UPF2: variants seen among roughly 807,000 people sequenced by gnomAD.
UPF2 encodes UPF2 regulator of nonsense mediated mRNA decay.
In UPF2, 17 loss-of-function variants were observed where a neutral mutation model predicts 141.4. The observed-to-expected ratio is 0.12, with a 90% confidence interval of 0.08 to 0.18. The LOEUF (loss-of-function observed/expected upper bound fraction) is 0.18, where lower values mean the gene tolerates loss of function less well. Among genes scored for constraint, UPF2 ranks in the 10% least tolerant of loss-of-function variants. The pLI is 1.00. For synonymous variants in UPF2, 540 were observed against 498.0 expected (o/e 1.08, Z -1.12); for missense variants, 1,152 against 1,515.9 (o/e 0.76, Z 3.99).
At chr10:12,007,300 CTG>C (rs1284436806) in intron 4 of UPF2, among the ~76,000 whole-genome samples, 1 of 152,092 alleles carries the variant, frequency 6.6e-6, no homozygotes, top group Non-Finnish European at 1.5e-5. Flanking sequence ...TACTATCAAG[CTG>C]TTAAGAGTGG....
In UPF2 at chr10:11,936,492, C is replaced by T. The variant is rs1832852393; in HGVS notation, c.3546+53G>A. The T allele has an allele frequency of 6.6e-7, 1 of 1,515,462 alleles. No homozygotes were observed. Among genetic ancestry groups the T allele is most frequent in the Admixed American group, 2.1e-5 (1 of 47,438 alleles). The allele number at this position is 1,515,462 out of a possible 1,614,324, so 93.9% of individuals were successfully genotyped here. ...CTTGTAGGTCAAAGATAAGTTAAAA[C>T]CTAACTGTATAACTCACAATCAGCT... On this transcript the variant is annotated intron_variant, in intron 19 of 21. Transcript: ENST00000357604. This position sits in a 1 kb window ranked among gnomAD's most constrained non-coding sequence, Gnocchi z 6.6.
At chr10:12,027,032 T>C (rs1834431571) in intron 3 of UPF2, among the ~76,000 whole-genome samples, 1 of 152,180 alleles carries the variant, frequency 6.6e-6, no homozygotes, top group Non-Finnish European at 1.5e-5. Flanking sequence ...TACAAGTTCA[T>C]AGATTTCCTA....
At chr10:11,950,989 G>A (rs1833066911) in intron 15 of UPF2, among the ~76,000 whole-genome samples, 1 of 152,182 alleles carries the variant, frequency 6.6e-6, no homozygotes, top group African/African-American at 2.4e-5. Flanking sequence ...CTTAATGACA[G>A]ACATGAATGT....
intron 16 of UPF2, among the ~76,000 whole-genome samples, chr10:11,947,808 AAG>A (rs1554775341): frequency 1.3e-5 from 2 of 150,992 alleles, no homozygotes; most frequent in Non-Finnish European, 1.5e-5. Flanking sequence ...AAAAAAAAAA[AAG>A]ACATGTGGAG....
rs112464709 is a variant in UPF2, at chr10:11,952,037, T to G, written c.3034+29A>C. On this transcript the variant is annotated intron_variant, in intron 15 of 21. Coordinates refer to ENST00000357604, the MANE Select transcript of UPF2 (RefSeq NM_015542.4). The stretch of plus-strand genomic sequence containing the variant: ...AGAAATAATCTGCCAAATATCACCT[T>G]CATTTTCTGTCTGCAATCAATTGCT... 3.1e-6 allele frequency: 5 copies of G among 1,604,776 alleles called. No individual in the cohort carries two copies. The East Asian group carries it at 6.7e-5, about 22-fold the overall frequency.
chr10:11,960,385 T>TTAAAATAAAATAAAG (rs1180488688), intron 11 of UPF2, among the ~76,000 whole-genome samples: 1 of 151,676 alleles, frequency 6.6e-6, no homozygotes, highest in East Asian at 1.9e-4. Context: ...CATCTCTACA[T>TTAAAATAAAATAAAG]TAAAATAAAA....
At chr10:11,999,840 A>T (rs2131264331) in intron 7 of UPF2, 66 bp downstream of exon 7, 2 of 1,285,172 alleles carry the variant, frequency 1.6e-6, no homozygotes, top group South Asian at 2.4e-5. Context: ...AACCATAGAC[A>T]TTCCTTATCA....
chr10:12,020,497 A>C (rs1056889816), intron 3 of UPF2, among the ~76,000 whole-genome samples: 11 of 152,298 alleles, frequency 7.2e-5, no homozygotes, highest in African/African-American at 2.4e-4. Context: ...GTGATCCGCC[A>C]GCCTCAGCCA....
rs1564360819 is a variant in UPF2 at position 11,998,255 on chromosome 10, C to T, written c.1759-498G>A. Among the ~76,000 whole-genome samples the T allele has an allele frequency of 6.6e-6, 1 of 152,146 alleles. No homozygotes were observed. Among genetic ancestry groups the T allele is most frequent in the African/African-American group, 2.4e-5 (1 of 41,426 alleles). ...TTCTCTTCACAAGTGCAGGAAATGG[C>T]GCTCTCTCTCTCTCTCCAAGATGCC... On this transcript the variant is annotated intron_variant, in intron 7 of 21. Coordinates refer to ENST00000357604, the MANE Select transcript of UPF2 (RefSeq NM_015542.4). The surrounding 1 kb of genome is among the most constrained non-coding windows in gnomAD (Gnocchi z 4.5).
chr10:11,947,602 C>A (rs1346116646), intron 16 of UPF2, among the ~76,000 whole-genome samples: 1 of 151,612 alleles, frequency 6.6e-6, no homozygotes, highest in African/African-American at 2.4e-5. Context: ...GGCAATATAG[C>A]AAGATCCCCA....
At chr10:12,021,418 G>A (rs116704507) in intron 3 of UPF2, among the ~76,000 whole-genome samples, 4,596 of 151,832 alleles carry the variant, frequency 0.03, 227 homozygotes, top group African/African-American at 0.1. Flanking sequence ...GCATACCTGT[G>A]GTCTCAGCGA....
At chr10:11,983,171 T>A (rs1833627794) in intron 8 of UPF2, among the ~76,000 whole-genome samples, 1 of 152,168 alleles carries the variant, frequency 6.6e-6, no homozygotes, top group Admixed American at 6.5e-5. Context: ...TTCTTCCCCA[T>A]ATTAAGGAAG....
chr10:11,994,546 CT>C (rs768347622), intron 8 of UPF2, among the ~76,000 whole-genome samples: 6 of 152,160 alleles, frequency 3.9e-5, no homozygotes. Context: ...TTTTCTACTT[CT>C]GGATTTTGAG....
rs1834603198 is a variant in UPF2, at chr10:12,035,244, C to T, written c.180G>A (p.Leu60=). 1 of 1,613,480 alleles carries T rather than the reference C, an allele frequency of 6.2e-7. No individual in the cohort carries two copies. Among genetic ancestry groups the T allele is most frequent in the African/African-American group, 1.3e-5 (1 of 74,772 alleles). ...CTTCCTTTTTTCTCTTATCATCTTC[C>T]AGTCTCTTCTTCTTGTCTTCAGGGG... ...SKAPEDKKKR[L]EDDKRKKEDK... Residue 60 remains leucine, a synonymous_variant, in exon 2 of 22, where the codon CTG becomes CTA. Transcript: ENST00000357604.
intron 21 of UPF2, among the ~76,000 whole-genome samples, chr10:11,928,869 G>T (rs1007392196): frequency 6.6e-6 from 1 of 152,120 alleles, no homozygotes; most frequent in Non-Finnish European, 1.5e-5. Flanking sequence ...AAAAAAACAG[G>T]CCGGGCATGG....
intron 3 of UPF2, among the ~76,000 whole-genome samples, chr10:12,015,712 T>C (rs1365704360): frequency 6.6e-6 from 1 of 152,088 alleles, no homozygotes; most frequent in Non-Finnish European, 1.5e-5. Context: ...CATAAATAAA[T>C]AAATAAATAA....
intron 16 of UPF2, 70 bp downstream of exon 16, chr10:11,948,299 A>G (rs1278742885): frequency 2.1e-6 from 3 of 1,444,238 alleles, no homozygotes; most frequent in African/African-American, 1.4e-5. Context: ...TATTAAAAAA[A>G]TTTTGGCTCA....
At chr10:11,926,710 G>C (rs1195981515) in intron 21 of UPF2, among the ~76,000 whole-genome samples, 1 of 44,428 alleles carries the variant, frequency 2.3e-5, no homozygotes, top group African/African-American at 5.2e-5. Context: ...AGTCAATAAT[G>C]AACCTCTTTT....
intron 21 of UPF2, among the ~76,000 whole-genome samples, chr10:11,927,379 C>T (rs995870045): frequency 6.6e-6 from 1 of 152,208 alleles, no homozygotes; most frequent in Non-Finnish European, 1.5e-5. Flanking sequence ...AAAGTAATTG[C>T]AGTTTTTCCC....
Sources: allele counts gnomAD v4.1 joint callset (sites outside exome capture counted in the v4.1 genomes callset), GRCh38; gene constraint gnomAD v4.1.1; non-coding constraint Gnocchi (gnomAD v3.1); transcripts MANE v1.5; gene names NCBI Gene and HGNC (gene_info 2026-07-23, HGNC 2026-07-21).